The following SEC24D variants were observed in gnomAD, a reference collection of about 807,000 sequenced individuals.
SEC24D encodes the protein SEC24 homolog D, COPII component, also known as protein transport protein Sec24D.
In SEC24D, 69 loss-of-function variants were observed where a neutral mutation model predicts 116.9. The ratio of observed to expected loss-of-function variants is 0.59; its 90% CI spans 0.49 to 0.72. The LOEUF is 0.72. Ranked by LOEUF, SEC24D falls within the 30% of genes least tolerant of loss-of-function variation. The probability of loss-of-function intolerance (pLI) is 0.00; values close to 1 mark genes in which losing one functional copy is unlikely to be tolerated. For synonymous variants in SEC24D, 405 were observed against 442.8 expected, an observed-to-expected ratio of 0.91 and a Z score of 1.07; for missense variants, 1,131 against 1,264.1, an observed-to-expected ratio of 0.89 and a Z score of 1.60.
chr4:118,834,043 G>C (rs1326316182), intron 1 of SEC24D, among the ~76,000 whole-genome samples: 1 of 152,176 alleles, frequency 6.6e-6, no homozygotes, highest in African/African-American at 2.4e-5. Flanking sequence ...GTCTCTCATA[G>C]TGTTCCTATG....
chr4:118,765,629 C>T (rs1247306998), intron 9 of SEC24D, among the ~76,000 whole-genome samples: 1 of 152,188 alleles, frequency 6.6e-6, no homozygotes, highest in Non-Finnish European at 1.5e-5. Context: ...GGGCTGGCTA[C>T]TAAACCACTG....
Position 118,810,071 on chromosome 4 carries a change from TA to T in SEC24D, c.802-4118del, listed in dbSNP as rs1729838368. ...GAGTGGTAAGAGACCAGGTCAGAGG[TA>T]GCTGTGTGTGTGTGTGTGTGTGTGT... On this transcript the variant is annotated intron_variant, in intron 6 of 22. Coordinates refer to ENST00000280551, the MANE Select transcript of SEC24D (RefSeq NM_014822.4). 4.4e-5 allele frequency among the ~76,000 whole-genome samples: 6 copies of T among 136,114 alleles called. 1 individual carries two copies. The highest frequency in any genetic ancestry group is 2.3e-4 in the Admixed American group (3 of 13,088). The allele number at this position is 136,114 out of a possible 152,430, so 89.3% of individuals were successfully genotyped here. A position where few individuals can be genotyped will look rare whatever the true frequency, so the allele number is the denominator to read the frequency against.
At chr4:118,770,099 G>A (rs1202171493) in intron 8 of SEC24D, among the ~76,000 whole-genome samples, 2 of 152,048 alleles carry the variant, frequency 1.3e-5, no homozygotes, top group Non-Finnish European at 2.9e-5. Flanking sequence ...AAACTTTCAG[G>A]GGATTCTGAT....
At chr4:118,821,838 A>AT (rs2110532234) in intron 3 of SEC24D, among the ~76,000 whole-genome samples, 1 of 152,360 alleles carries the variant, frequency 6.6e-6, no homozygotes, top group South Asian at 2.1e-4. Flanking sequence ...AGGGCAAGGC[A>AT]GCATGGTAAC....
At chr4:118,788,491 G>T (rs1381769874) in intron 8 of SEC24D, among the ~76,000 whole-genome samples, 1 of 152,158 alleles carries the variant, frequency 6.6e-6, no homozygotes, top group Non-Finnish European at 1.5e-5. Flanking sequence ...AAATATCTTG[G>T]TCCAAAATTC....
intron 18 of SEC24D, among the ~76,000 whole-genome samples, chr4:118,738,716 TTAGTG>T (rs1726089328): frequency 6.6e-6 from 1 of 152,202 alleles, no homozygotes; most frequent in Admixed American, 6.5e-5. Flanking sequence ...TTTCCAAACT[TTAGTG>T]TAGAATTTCT....
rs535951217 is a variant in SEC24D, at chr4:118,828,265, C to T, written c.119-3516G>A. 5.9e-5 allele frequency among the ~76,000 whole-genome samples: 9 copies of T among 152,258 alleles called. No homozygotes were observed. In the East Asian group the frequency reaches 9.7e-4, roughly 16 times the overall value. ...CTGGGACCACAGGCGCCTGCCACTA[C>T]GCCCGGCTAATTTATTTGCGTTTTT... On this transcript the variant is annotated intron_variant, in intron 2 of 22. Transcript: ENST00000280551.
At chr4:118,744,323 G>A (rs1726388063) in intron 14 of SEC24D, among the ~76,000 whole-genome samples, 165 bp from the exon 15 acceptor site, 1 of 152,186 alleles carries the variant, frequency 6.6e-6, no homozygotes, top group Non-Finnish European at 1.5e-5. Context: ...CATCATCAGT[G>A]CAGTGGCCAC....
At chr4:118,760,378 C>G (rs1032748687) in intron 10 of SEC24D, 1 of 152,176 alleles carries the variant, frequency 6.6e-6, no homozygotes, top group African/African-American at 2.4e-5. Context: ...ATGAATTTGA[C>G]TATTCTACAT....
At position 118,723,496 on chromosome 4, in the gene SEC24D, A is replaced by T. The variant is rs1407857251; in HGVS notation, c.*19T>A. The T allele has an allele frequency of 1.2e-6, 2 of 1,603,858 alleles. No homozygotes were observed. Among genetic ancestry groups the T allele is most frequent in the Non-Finnish European group, 1.7e-6 (2 of 1,176,366 alleles). On this transcript the variant is annotated 3_prime_UTR_variant, in exon 23 of 23. Transcript: ENST00000280551. ...ATTATCTCCTTGGAAATGCAACATC[A>T]ATGACAGAGAAGTTTCAATTAATTA...
chr4:118,728,473 A>C (rs541809933), intron 22 of SEC24D, 88 bp downstream of exon 22: 2 of 734,332 alleles, frequency 2.7e-6, no homozygotes, highest in African/African-American at 3.6e-5. Context: ...ATCAAAGATC[A>C]CGTCATAAAA....
chr4:118,811,567 C>T (rs1195776779), intron 6 of SEC24D, among the ~76,000 whole-genome samples: 2 of 152,188 alleles, frequency 1.3e-5, no homozygotes, highest in Non-Finnish European at 2.9e-5. Context: ...AGCGGACAGC[C>T]TTAGGAGAAA....
Position 118,738,417 on chromosome 4 carries a change from C to G in SEC24D, c.2378-38G>C, listed in dbSNP as rs73842217. The G allele has an allele frequency of 2.0e-3, 2,625 of 1,311,082 alleles. 38 individuals are homozygous for G. In the African/African-American group the frequency reaches 0.033, roughly 16 times the overall value. 81.2% of individuals were successfully genotyped at this position (1,311,082 alleles called of 1,614,324 possible). On this transcript the variant is annotated intron_variant, in intron 18 of 22. Transcript: ENST00000280551. ...ACAATGAAAAGGACATGAGTTTTAG[C>G]TCAGACACTGATCTCTTCAAATAAT...
intron 15 of SEC24D, 78 bp from the exon 16 acceptor site, chr4:118,741,115 G>A (rs1037824288): frequency 4.6e-6 from 3 of 651,272 alleles, no homozygotes; most frequent in African/African-American, 3.7e-5. Context: ...TTAATCCTGA[G>A]TTATAATAAT....
chr4:118,791,499 A>T (rs2110497974), intron 8 of SEC24D, among the ~76,000 whole-genome samples: 1 of 152,228 alleles, frequency 6.6e-6, no homozygotes, highest in Non-Finnish European at 1.5e-5. Context: ...AAATATTTTT[A>T]AAATTTATAG....
At chr4:118,786,166 C>T (rs886639258) in intron 8 of SEC24D, among the ~76,000 whole-genome samples, 1 of 152,128 alleles carries the variant, frequency 6.6e-6, no homozygotes. Context: ...TTAGTCACCA[C>T]ATTCATGACA....
chr4:118,777,034 T>C (rs1728166826), intron 8 of SEC24D, among the ~76,000 whole-genome samples: 1 of 152,172 alleles, frequency 6.6e-6, no homozygotes, highest in African/African-American at 2.4e-5. Context: ...ATTCCCTGCA[T>C]TAGTCTTACT....
intron 15 of SEC24D, among the ~76,000 whole-genome samples, chr4:118,742,185 AG>A (rs1299062571): frequency 6.6e-6 from 1 of 152,120 alleles, no homozygotes; most frequent in Non-Finnish European, 1.5e-5. Flanking sequence ...GAAAAAAAAA[AG>A]TAATAAGCCT....
intron 13 of SEC24D, among the ~76,000 whole-genome samples, chr4:118,749,674 A>T (rs1249288522): frequency 6.6e-6 from 1 of 152,110 alleles, no homozygotes; most frequent in Admixed American, 6.6e-5. Flanking sequence ...CCCCCATTTA[A>T]AAAAATATAA....
Sources: allele counts gnomAD v4.1 joint callset (sites outside exome capture counted in the v4.1 genomes callset), GRCh38; gene constraint gnomAD v4.1.1; transcripts MANE v1.5; gene names NCBI Gene and HGNC (gene_info 2026-07-23, HGNC 2026-07-21).